Variants in TTC9C observed in about 807,000 individuals in gnomAD.
TTC9C encodes the protein tetratricopeptide repeat domain 9C, also known as tetratricopeptide repeat protein 9C.
A neutral mutation model predicts 22.5 loss-of-function variants in TTC9C; 15 were observed. That is an observed-to-expected ratio of 0.67 (90% CI 0.45 to 1.03). The LOEUF (loss-of-function observed/expected upper bound fraction) is 1.03, where lower values mean the gene tolerates loss of function less well. TTC9C is among the 50% of genes least tolerant of loss of function. The pLI is 0.00. For synonymous variants in TTC9C, 92 were observed against 86.8 expected (o/e 1.06, Z -0.33); for missense variants, 244 against 214.6 (o/e 1.14, Z -0.86).
At position 62,734,409 on chromosome 11, in the gene TTC9C, G is replaced by T. The variant is rs112623159; in HGVS notation, c.239-973G>T. Among the ~76,000 whole-genome samples the T allele has an allele frequency of 6.7e-3, 1,012 of 151,954 alleles. 3 individuals carry two copies. Among genetic ancestry groups the T allele is most frequent in the Non-Finnish European group, 0.012 (790 of 67,976 alleles). On this transcript the variant is annotated intron_variant, in intron 1 of 2. Transcript: ENST00000316461. ...GAGGTCAGGAGTTTGAGAACAGCCT[G>T]GCCAACATGGTGAAACCCCATCTCT...
chr11:62,738,572 C>T lies in TTC9C; in HGVS notation c.*190C>T, dbSNP rs1247457124. ...TTTCTGTCTATCCATCTGTTTATTT[C>T]TATACCTTTCAATACATGTTATTGT... On this transcript the variant is annotated 3_prime_UTR_variant, in exon 3 of 3. Transcript: ENST00000316461. The T allele has an allele frequency of 4.1e-6, 2 of 492,628 alleles. No individual in the cohort carries two copies. Among genetic ancestry groups the T allele is most frequent in the Admixed American group, 3.6e-5 (1 of 28,060 alleles). 30.5% of individuals were successfully genotyped at this position (492,628 alleles called of 1,614,324 possible).
intron 1 of TTC9C, among the ~76,000 whole-genome samples, chr11:62,732,363 C>T (rs908613091): frequency 6.6e-6 from 1 of 151,632 alleles, no homozygotes; most frequent in Non-Finnish European, 1.5e-5. Context: ...AATCCCAGCA[C>T]TTTGGGAGGC....
At chr11:62,731,372 C>T (rs2134806257) in intron 1 of TTC9C, among the ~76,000 whole-genome samples, 1 of 152,276 alleles carries the variant, frequency 6.6e-6, no homozygotes, top group East Asian at 1.9e-4. Flanking sequence ...GTAATCCCAA[C>T]ACCTTGGTAG....
rs766002029 is a variant in TTC9C, at chr11:62,735,454, A to G, written c.311A>G (p.Gln104Arg). Reference protein sequence around the residue: ...REYSQKVLERQPDNAKALYRA... With the variant: ...REYSQKVLERRPDNAKALYRA... ...TATAGTCAGAAAGTCCTGGAACGACAGCCTGATAATGCCAAGGCCTTGTAT... is the reference window on the plus strand; with the variant it reads ...TATAGTCAGAAAGTCCTGGAACGACGGCCTGATAATGCCAAGGCCTTGTAT... The change falls in exon 2 of 3, where the codon CAG becomes CGG. Residue 104 changes from glutamine to arginine, a missense_variant. By Grantham distance (43) the Gln-to-Arg change is conservative. Coordinates refer to ENST00000316461, the MANE Select transcript of TTC9C (RefSeq NM_173810.4). 1 of 1,614,208 alleles carries G rather than the reference A, an allele frequency of 6.2e-7. No individual in the cohort carries two copies. The highest frequency in any genetic ancestry group is 8.5e-7 in the Non-Finnish European group (1 of 1,180,034).
chr11:62,736,653 C>T (rs532106857), intron 2 of TTC9C, among the ~76,000 whole-genome samples: 18 of 149,868 alleles, frequency 1.2e-4, no homozygotes, highest in African/African-American at 3.0e-4. Context: ...GAGATCCTGC[C>T]GGTGCATTCC....
Position 62,735,561 on chromosome 11 carries a change from A to G in TTC9C, c.418A>G (p.Lys140Glu), listed in dbSNP as rs765047579. The G allele has an allele frequency of 1.9e-6, 3 of 1,603,926 alleles. No homozygotes were observed. Among genetic ancestry groups the G allele is most frequent in the African/African-American group, 1.3e-5 (1 of 74,694 alleles). ...CCTGGCTGCCGTGAATAGGCAGCCTAAAGGTAAGCAAGAAGGGCTTTGAAA... is the reference window on the plus strand; with the variant it reads ...CCTGGCTGCCGTGAATAGGCAGCCTGAAGGTAAGCAAGAAGGGCTTTGAAA... ...YLLAAVNRQP[K>E]DANVRRYLQL... The change falls in exon 2 of 3, where the codon AAA (lysine) becomes GAA (glutamate). Residue 140 changes from lysine to glutamate, a missense_variant. Coordinates refer to ENST00000316461, the MANE Select transcript of TTC9C (RefSeq NM_173810.4).
upstream of TTC9C, chr11:62,728,225 C>T (rs537686738): frequency 1.1e-3 from 351 of 310,110 alleles, 5 homozygotes; most frequent in South Asian, 9.3e-3. Context: ...AGGAGACTTC[C>T]AGGTTTGGGC....
At chr11:62,731,552 G>C (rs1211028411) in intron 1 of TTC9C, among the ~76,000 whole-genome samples, 1 of 152,086 alleles carries the variant, frequency 6.6e-6, no homozygotes, top group South Asian at 2.1e-4. Context: ...AGCCAAGATT[G>C]GGCCACTGCC....
At position 62,731,353 on chromosome 11, in the gene TTC9C, C is replaced by T. The variant is rs537274134; in HGVS notation, c.238+2267C>T. On this transcript the variant is annotated intron_variant, in intron 1 of 2. Transcript: ENST00000316461. ...AAGCCTTCTGTAGCTGGTGCAGTGG[C>T]TCACAACTGTAATCCCAACACCTTG... Among the ~76,000 whole-genome samples the T allele has an allele frequency of 5.3e-5, 8 of 152,280 alleles. No individual in the cohort carries two copies. In the East Asian group the frequency reaches 7.7e-4, roughly 15 times the overall value.
At chr11:62,730,515 G>A (rs1246000196) in intron 1 of TTC9C, among the ~76,000 whole-genome samples, 1 of 152,148 alleles carries the variant, frequency 6.6e-6, no homozygotes, top group East Asian at 1.9e-4. Flanking sequence ...ACACCCCATT[G>A]GCATCTCATC....
intron 1 of TTC9C, among the ~76,000 whole-genome samples, chr11:62,733,978 C>T (rs1394129565): frequency 2.0e-5 from 3 of 151,678 alleles, no homozygotes; most frequent in East Asian, 1.9e-4. Context: ...CACGACAGAG[C>T]GAGACCTCCA....
At chr11:62,734,983 G>A (rs955059303) in intron 1 of TTC9C, among the ~76,000 whole-genome samples, 13 of 152,120 alleles carry the variant, frequency 8.5e-5, no homozygotes, top group African/African-American at 2.7e-4. Context: ...CGAAACCTCC[G>A]TCTCCCAGGT....
At chr11:62,732,846 T>C (rs969643734) in intron 1 of TTC9C, among the ~76,000 whole-genome samples, 2 of 151,426 alleles carry the variant, frequency 1.3e-5, no homozygotes, top group Non-Finnish European at 2.9e-5. Flanking sequence ...CGCTTGAACC[T>C]GGGATGTGGA....
chr11:62,729,954 C>T (rs2083828246), intron 1 of TTC9C, among the ~76,000 whole-genome samples: 1 of 152,180 alleles, frequency 6.6e-6, no homozygotes, highest in Admixed American at 6.6e-5. Flanking sequence ...AAAAACTATA[C>T]TTAAGGTCAG....
chr11:62,733,241 T>C (rs553928800), intron 1 of TTC9C: 104 of 1,076,206 alleles, frequency 9.7e-5, no homozygotes, highest in Middle Eastern at 2.4e-4. Context: ...AAGAGAATAG[T>C]GAAGTTATAT....
chr11:62,734,279 CAG>C (rs1182406253), intron 1 of TTC9C, among the ~76,000 whole-genome samples: 2 of 150,910 alleles, frequency 1.3e-5, no homozygotes, highest in African/African-American at 4.9e-5. Context: ...GCCTGGGCGA[CAG>C]AGCGAGACTC....
At chr11:62,737,091 C>T (rs1390313699) in intron 2 of TTC9C, among the ~76,000 whole-genome samples, 2 of 151,816 alleles carry the variant, frequency 1.3e-5, no homozygotes, top group Non-Finnish European at 2.9e-5. Flanking sequence ...CCCAGCTACT[C>T]GGGAGGCTGA....
intron 1 of TTC9C, 151 bp from the exon 2 acceptor site, chr11:62,735,231 G>A (rs534272502): frequency 1.0e-5 from 10 of 1,002,222 alleles, no homozygotes; most frequent in Non-Finnish European, 1.4e-5. Flanking sequence ...CATCCCCAGT[G>A]TGTAGAAGAG....
chr11:62,730,219 C>T (rs2083832078), intron 1 of TTC9C, among the ~76,000 whole-genome samples: 1 of 151,822 alleles, frequency 6.6e-6, no homozygotes, highest in Non-Finnish European at 1.5e-5. Context: ...GGGATACAGG[C>T]GCGTGCCACC....
Sources: gnomAD v4.1 joint callset for allele counts (sites outside exome capture counted in the v4.1 genomes callset) on GRCh38, gnomAD v4.1.1 for gene constraint, MANE v1.5 for transcripts, NCBI Gene and HGNC (gene_info 2026-07-23, HGNC 2026-07-21) for gene names.